Variants in SEMA5A observed in about 807,000 individuals in gnomAD.
The protein encoded by SEMA5A is semaphorin 5A.
A neutral mutation model predicts 135.5 loss-of-function variants in SEMA5A; 55 were observed. The ratio of observed to expected loss-of-function variants is 0.41; its 90% confidence interval spans 0.33 to 0.51. SEMA5A has a LOEUF of 0.51. SEMA5A is among the 20% of genes least tolerant of loss of function. SEMA5A has a pLI of 0.37. For missense variants in SEMA5A, 1,290 were observed against 1,419.9 expected (o/e 0.91, Z 1.47); for synonymous variants, 580 against 546.5 (o/e 1.06, Z -0.85).
At chr5:9,116,687 G>A (rs1358185526) in intron 15 of SEMA5A, among the ~76,000 whole-genome samples, 1 of 152,030 alleles carries the variant, frequency 6.6e-6, no homozygotes, top group African/African-American at 2.4e-5. Flanking sequence ...GAGGGTTGAT[G>A]GTGTTTAAAT....
intron 5 of SEMA5A, among the ~76,000 whole-genome samples, chr5:9,294,677 A>T (rs945301830): frequency 2.6e-5 from 4 of 152,186 alleles, no homozygotes; most frequent in Non-Finnish European, 5.9e-5. Flanking sequence ...TTGGACTTCT[A>T]AACACTTCCC....
chr5:9,333,886 A>T (rs1459994777), intron 4 of SEMA5A, among the ~76,000 whole-genome samples: 2 of 152,108 alleles, frequency 1.3e-5, no homozygotes, highest in African/African-American at 4.8e-5. Context: ...TCATTACTGA[A>T]AACACAAATA....
chr5:9,230,769 T>C (rs570579462), intron 6 of SEMA5A, among the ~76,000 whole-genome samples: 1 of 152,054 alleles, frequency 6.6e-6, no homozygotes, highest in Non-Finnish European at 1.5e-5. Flanking sequence ...AGGGTAGTAG[T>C]GTAGTTGGCC....
intron 11 of SEMA5A, among the ~76,000 whole-genome samples, chr5:9,162,505 T>C (rs1450404363): frequency 9.5e-5 from 9 of 94,550 alleles, no homozygotes; most frequent in Non-Finnish European, 1.9e-4. Flanking sequence ...TGTGTATATA[T>C]AGGAATATAT....
At chr5:9,417,175 T>C (rs1292933433) in intron 2 of SEMA5A, among the ~76,000 whole-genome samples, 1 of 152,218 alleles carries the variant, frequency 6.6e-6, no homozygotes, top group East Asian at 1.9e-4. Flanking sequence ...TATTTTAAGA[T>C]GCTGCTGCTT....
intron 5 of SEMA5A, among the ~76,000 whole-genome samples, chr5:9,248,476 A>G (rs993018673): frequency 6.6e-6 from 1 of 151,832 alleles, no homozygotes; most frequent in African/African-American, 2.4e-5. Flanking sequence ...CTGAGGGTGG[A>G]GCATTGGAGT....
chr5:9,092,527 G>A (rs114613672), intron 16 of SEMA5A, among the ~76,000 whole-genome samples: 51 of 152,218 alleles, frequency 3.4e-4, no homozygotes, highest in Non-Finnish European at 6.3e-4. Context: ...GCAGGAACAC[G>A]GAGTTTCAGT....
intron 11 of SEMA5A, among the ~76,000 whole-genome samples, chr5:9,165,101 G>C (rs3797922): frequency 0.13 from 20,187 of 152,066 alleles, 2,429 homozygotes; most frequent in African/African-American, 0.31. Context: ...TGGCTTAAAT[G>C]CTGAGACACC....
intron 16 of SEMA5A, among the ~76,000 whole-genome samples, chr5:9,095,317 A>T (rs1437511730): frequency 6.6e-6 from 1 of 152,144 alleles, no homozygotes; most frequent in African/African-American, 2.4e-5. Context: ...TGATGGGTGC[A>T]GCAAACCACC....
At chr5:9,088,641 T>TAA in intron 16 of SEMA5A, among the ~76,000 whole-genome samples, 1 of 111,158 alleles carries the variant, frequency 9.0e-6, no homozygotes, top group Admixed American at 8.7e-5. Flanking sequence ...ATTTATAATA[T>TAA]ATATATATAT....
chr5:9,225,931 A>AT (rs1747286569), intron 7 of SEMA5A, among the ~76,000 whole-genome samples: 1 of 152,074 alleles, frequency 6.6e-6, no homozygotes, highest in African/African-American at 2.4e-5. Context: ...CTGCTATGAG[A>AT]TGTGTACCTG....
intron 3 of SEMA5A, among the ~76,000 whole-genome samples, chr5:9,359,855 TG>T (rs1176392784): frequency 2.6e-5 from 4 of 152,156 alleles, no homozygotes; most frequent in African/African-American, 9.7e-5. Flanking sequence ...TAAGAACCAC[TG>T]GGGCAGAAGA....
intron 12 of SEMA5A, among the ~76,000 whole-genome samples, chr5:9,141,735 T>C (rs1742077529): frequency 6.6e-6 from 1 of 152,210 alleles, no homozygotes; most frequent in South Asian, 2.1e-4. Flanking sequence ...TTACGTTTTT[T>C]GTTAGTTGGA....
At chr5:9,066,721 G>T in intron 16 of SEMA5A, 75 bp from the exon 17 acceptor site, 1 of 1,330,874 alleles carries the variant, frequency 7.5e-7, no homozygotes, top group Non-Finnish European at 1.1e-6. Flanking sequence ...CTTTCCTTTA[G>T]GGAAAGATAA....
At chr5:9,401,357 G>A (rs930405004) in intron 2 of SEMA5A, among the ~76,000 whole-genome samples, 2 of 152,178 alleles carry the variant, frequency 1.3e-5, no homozygotes, top group African/African-American at 4.8e-5. Flanking sequence ...CCATATGTCA[G>A]CCAAAGACAA....
intron 8 of SEMA5A, among the ~76,000 whole-genome samples, chr5:9,221,972 A>G (rs538519891): frequency 6.6e-5 from 10 of 152,222 alleles, no homozygotes; most frequent in Admixed American, 3.9e-4. Flanking sequence ...CAGAGGCTCC[A>G]CCTTTTCTGT....
chr5:9,083,096 C>T (rs1461986935), intron 16 of SEMA5A, among the ~76,000 whole-genome samples: 2 of 152,166 alleles, frequency 1.3e-5, no homozygotes, highest in East Asian at 1.9e-4. Flanking sequence ...CTAAAGTTCT[C>T]ACATCATGAA....
intron 2 of SEMA5A, among the ~76,000 whole-genome samples, chr5:9,417,975 CTTCT>C (rs1308339439): frequency 8.6e-6 from 1 of 116,786 alleles, no homozygotes; most frequent in African/African-American, 3.5e-5. Flanking sequence ...TCCAGTGTCT[CTTCT>C]TTTTTTTTTT....
At chr5:9,043,605 T>C (rs1186244134) in intron 22 of SEMA5A, among the ~76,000 whole-genome samples, 2 of 152,158 alleles carry the variant, frequency 1.3e-5, no homozygotes, top group African/African-American at 2.4e-5. Flanking sequence ...AGGTAGAACA[T>C]ATATATTGAG....
Sources: gnomAD v4.1 joint callset for allele counts (sites outside exome capture counted in the v4.1 genomes callset) on GRCh38, gnomAD v4.1.1 for gene constraint, MANE v1.5 for transcripts, NCBI Gene and HGNC (gene_info 2026-07-23, HGNC 2026-07-21) for gene names.